SEZ6L: variants seen among roughly 807,000 people sequenced by gnomAD.
The protein encoded by SEZ6L is seizure related 6 homolog like, also known as seizure 6-like protein.
Under a neutral mutation model 106.2 loss-of-function variants are expected in SEZ6L, and 37 were observed. That is an observed-to-expected ratio of 0.35 (90% CI 0.27 to 0.46). The LOEUF (loss-of-function observed/expected upper bound fraction) is 0.46. SEZ6L is among the 20% of genes least tolerant of loss of function. The probability of loss-of-function intolerance (pLI) is 1.00; values close to 1 mark genes in which losing one functional copy is unlikely to be tolerated. For synonymous variants in SEZ6L, 541 were observed against 570.4 expected (o/e 0.95, Z 0.73); for missense variants, 1,172 against 1,332.8 (o/e 0.88, Z 1.88).
chr22:26,247,222 C>T (rs2079386868), intron 1 of SEZ6L, among the ~76,000 whole-genome samples: 1 of 152,100 alleles, frequency 6.6e-6, no homozygotes, highest in African/African-American at 2.4e-5. Flanking sequence ...AAGAAAATCA[C>T]TAAAATAGGC....
chr22:26,369,957 G>T (rs577774685), intron 13 of SEZ6L, among the ~76,000 whole-genome samples: 82 of 152,308 alleles, frequency 5.4e-4, no homozygotes, highest in African/African-American at 1.9e-3. Context: ...GCTTTGCAGA[G>T]CTTAAGTATT....
At chr22:26,375,256 C>T (rs140692903) in intron 14 of SEZ6L, among the ~76,000 whole-genome samples, 1 of 152,216 alleles carries the variant, frequency 6.6e-6, no homozygotes, top group African/African-American at 2.4e-5. Context: ...GGGATTTTCT[C>T]CAAGTCTTCC....
intron 1 of SEZ6L, among the ~76,000 whole-genome samples, chr22:26,187,597 T>C (rs1939868128): frequency 3.9e-5 from 6 of 152,138 alleles, no homozygotes; most frequent in Admixed American, 3.9e-4. Flanking sequence ...GCTGGGTGCT[T>C]TGAAAGATTT....
At chr22:26,375,318 T>A (rs1053939919) in intron 14 of SEZ6L, among the ~76,000 whole-genome samples, 3 of 152,174 alleles carry the variant, frequency 2.0e-5, no homozygotes, top group African/African-American at 7.2e-5. Flanking sequence ...AAAATGGGAA[T>A]GGTACGATCA....
At chr22:26,352,044 C>A (rs946460591) in intron 12 of SEZ6L, among the ~76,000 whole-genome samples, 1 of 151,800 alleles carries the variant, frequency 6.6e-6, no homozygotes, top group Non-Finnish European at 1.5e-5. Context: ...ACCTATTATC[C>A]CAGCTGCTCA....
chr22:26,352,222 G>A (rs1319601179), intron 12 of SEZ6L, among the ~76,000 whole-genome samples: 1 of 150,438 alleles, frequency 6.6e-6, no homozygotes, highest in Non-Finnish European at 1.5e-5. Flanking sequence ...TACAAACAAT[G>A]TTCACAGTCA....
chr22:26,259,352 T>C (rs1209268458), intron 1 of SEZ6L, among the ~76,000 whole-genome samples: 2 of 152,086 alleles, frequency 1.3e-5, no homozygotes, highest in Non-Finnish European at 2.9e-5. Flanking sequence ...AGTAATGATT[T>C]CAAAATAGAG....
At chr22:26,207,910 A>ATTTTTTTTTT (rs134772) in intron 1 of SEZ6L, among the ~76,000 whole-genome samples, 2 of 138,496 alleles carry the variant, frequency 1.4e-5, no homozygotes, top group African/African-American at 5.4e-5. Flanking sequence ...ATTCATGTGT[A>ATTTTTTTTTT]TTTTTTTTTT....
intron 9 of SEZ6L, among the ~76,000 whole-genome samples, chr22:26,337,412 A>T (rs2082680291): frequency 6.6e-6 from 1 of 152,256 alleles, no homozygotes. Flanking sequence ...TCAGCTGTGA[A>T]GTCGGCTTAA....
chr22:26,293,977 G>A (rs980858798), intron 2 of SEZ6L, among the ~76,000 whole-genome samples: 1 of 152,086 alleles, frequency 6.6e-6, no homozygotes, highest in African/African-American at 2.4e-5. Context: ...GTTTGAGCTC[G>A]GCCCCTCTCT....
intron 1 of SEZ6L, among the ~76,000 whole-genome samples, chr22:26,236,781 A>C (rs527434123): frequency 3.1e-4 from 47 of 152,296 alleles, no homozygotes; most frequent in Non-Finnish European, 6.0e-4. Context: ...GCTTAAAATC[A>C]ATCAGTAATA....
chr22:26,327,662 ACAC>A (rs941023902), intron 9 of SEZ6L, among the ~76,000 whole-genome samples: 2 of 143,254 alleles, frequency 1.4e-5, no homozygotes, highest in Non-Finnish European at 3.1e-5. Flanking sequence ...CACCACGCCC[ACAC>A]CACATGACAC....
chr22:26,225,844 T>A (rs1002512150), intron 1 of SEZ6L, among the ~76,000 whole-genome samples: 2 of 152,184 alleles, frequency 1.3e-5, no homozygotes, highest in Admixed American at 1.3e-4. Context: ...GGCTTTCACT[T>A]CTCAACTCAA....
rs557376706 is a variant in SEZ6L, at chr22:26,206,086, C to T, written c.94+36323C>T. On this transcript the variant is annotated intron_variant, in intron 1 of 16. Transcript: ENST00000248933. ...ATAAATGTGCAACTCCTTCACTCTA[C>T]AAACATAACCCTTCACAACTCTGCC... 4.5e-4 allele frequency among the ~76,000 whole-genome samples: 69 copies of T among 152,344 alleles called. 1 individual carries two copies. The highest frequency in any genetic ancestry group is 6.8e-3 in the Middle Eastern group (2 of 294).
intron 1 of SEZ6L, among the ~76,000 whole-genome samples, chr22:26,199,354 G>GT (rs892758270): frequency 1.1e-4 from 17 of 152,074 alleles, no homozygotes; most frequent in African/African-American, 3.6e-4. Flanking sequence ...TCTTTAGTCT[G>GT]TTTTTTTCAG....
intron 1 of SEZ6L, among the ~76,000 whole-genome samples, chr22:26,245,764 A>G (rs1226431774): frequency 6.6e-6 from 1 of 152,046 alleles, no homozygotes; most frequent in Admixed American, 6.6e-5. Context: ...TCCTGTTCTT[A>G]TGTGTCAGAT....
intron 11 of SEZ6L, among the ~76,000 whole-genome samples, chr22:26,348,519 AAGG>A (rs1174187914): frequency 2.7e-4 from 9 of 33,374 alleles, no homozygotes. Flanking sequence ...AGAGAGAAGG[AAGG>A]AAGGAAGGAA....
At chr22:26,242,572 GA>G (rs138562225) in intron 1 of SEZ6L, among the ~76,000 whole-genome samples, 1,628 of 152,146 alleles carry the variant, frequency 0.011, 21 homozygotes, top group African/African-American at 0.038. Context: ...AATGGAGAGA[GA>G]AAAAAGAAAA....
At chr22:26,338,544 T>G (rs1436527054) in intron 9 of SEZ6L, among the ~76,000 whole-genome samples, 1 of 150,736 alleles carries the variant, frequency 6.6e-6, no homozygotes, top group Non-Finnish European at 1.5e-5. Context: ...ACTACAGAGG[T>G]GCACCACCAC....
Sources: allele counts gnomAD v4.1 joint callset (sites outside exome capture counted in the v4.1 genomes callset), GRCh38; gene constraint gnomAD v4.1.1; transcripts MANE v1.5; gene names NCBI Gene and HGNC (gene_info 2026-07-23, HGNC 2026-07-21).